Variants in DSTN observed in about 807,000 individuals in gnomAD.
DSTN encodes destrin.
DSTN carries 10 observed loss-of-function variants against 16.8 expected under a neutral mutation model. The observed-to-expected ratio is 0.60, with a 90% CI of 0.37 to 1.01. The LOEUF is 1.01. DSTN is among the 50% of genes least tolerant of loss of function. The pLI is 0.01. For missense variants in DSTN, 141 were observed against 196.7 expected, an observed-to-expected ratio of 0.72 and a Z score of 1.69; for synonymous variants, 57 against 58.9, an observed-to-expected ratio of 0.97 and a Z score of 0.14.
At chr20:17,578,658 A>C (rs1475056246) in intron 1 of DSTN, among the ~76,000 whole-genome samples, 1 of 152,192 alleles carries the variant, frequency 6.6e-6, no homozygotes, top group Non-Finnish European at 1.5e-5. Flanking sequence ...CAAAAGCCTA[A>C]CAAATGAAAG....
In DSTN at chr20:17,603,006, C is replaced by T. The variant is rs559419503; in HGVS notation, c.312-1549C>T. Among the ~76,000 whole-genome samples the T allele has an allele frequency of 4.6e-5, 7 of 152,204 alleles. No individual in the cohort carries two copies. The South Asian group carries it at 6.2e-4, about 14-fold the overall frequency. On this transcript the variant is annotated intron_variant, in intron 2 of 3. Coordinates refer to ENST00000246069, the MANE Select transcript of DSTN (RefSeq NM_006870.4). ...CTGCACTCCAGCCTGGGTGACAGAG[C>T]GAGACTCCGCCTCAAAAAAATAAAA...
At chr20:17,594,993 T>C (rs2035511007) in intron 1 of DSTN, among the ~76,000 whole-genome samples, 1 of 152,220 alleles carries the variant, frequency 6.6e-6, no homozygotes, top group Admixed American at 6.5e-5. Flanking sequence ...GGAAGTTGAA[T>C]GTAAAGACTA....
Position 17,592,075 on chromosome 20 carries a change from G to A in DSTN, c.4-8663G>A, listed in dbSNP as rs113459889. The A allele has an allele frequency of 5.8e-5, 57 of 985,236 alleles. 1 individual carries two copies. The highest frequency in any genetic ancestry group is 1.6e-4 in the African/African-American group (9 of 57,172). The allele number at this position is 985,236 out of a possible 1,614,324, so 61.0% of individuals were successfully genotyped here. ...GGCCAGGCTTTAGGGTTAGTATTCC[G>A]TGCTTTCTGTCTGCCTCATGGTTTT... is the stretch of plus-strand genomic sequence containing the variant. On this transcript the variant is annotated intron_variant, in intron 1 of 3. Coordinates refer to ENST00000246069, the MANE Select transcript of DSTN (RefSeq NM_006870.4).
intron 3 of DSTN, among the ~76,000 whole-genome samples, chr20:17,606,792 C>CTA (rs1007089411): frequency 6.6e-6 from 1 of 152,126 alleles, no homozygotes; most frequent in African/African-American, 2.4e-5. Context: ...TATGCTATAC[C>CTA]TATATATATA....
intron 2 of DSTN, among the ~76,000 whole-genome samples, chr20:17,602,713 C>G (rs1246370119): frequency 6.6e-6 from 1 of 152,116 alleles, no homozygotes; most frequent in Non-Finnish European, 1.5e-5. Context: ...TTTTATGTTT[C>G]TGACCTATTT....
At chr20:17,587,769 A>T (rs1374510236) in intron 1 of DSTN, among the ~76,000 whole-genome samples, 1 of 152,206 alleles carries the variant, frequency 6.6e-6, no homozygotes, top group Non-Finnish European at 1.5e-5. Flanking sequence ...TTTCTGAGGC[A>T]GAAAACTATG....
intron 3 of DSTN, chr20:17,604,963 A>C: frequency 2.2e-6 from 1 of 455,474 alleles, no homozygotes; most frequent in Non-Finnish European, 4.3e-6. Flanking sequence ...CATTGGACAT[A>C]ATAGTAAATT....
intron 1 of DSTN, among the ~76,000 whole-genome samples, chr20:17,591,391 A>G (rs984951028): frequency 6.6e-6 from 1 of 150,544 alleles, no homozygotes; most frequent in African/African-American, 2.5e-5. Context: ...TTGAAACACT[A>G]TTTCCAGAAA....
In DSTN at chr20:17,575,486, A is replaced by G. The variant is rs75180366; in HGVS notation, c.3+5275A>G. On this transcript the variant is annotated intron_variant, in intron 1 of 3. Coordinates refer to ENST00000246069, the MANE Select transcript of DSTN (RefSeq NM_006870.4). ...AGCATTTTTTTTTTTTTTTGGAGAC[A>G]GGGTCTCATTCTGTTAACCTAGGCT... is the stretch of plus-strand genomic sequence containing the variant. Among the ~76,000 whole-genome samples, 1,164 of 150,494 alleles carry G rather than the reference A, an allele frequency of 7.7e-3. 15 individuals carry two copies. The highest frequency in any genetic ancestry group is 0.027 in the African/African-American group (1,116 of 40,868).
At chr20:17,591,099 C>A (rs1348626315) in intron 1 of DSTN, among the ~76,000 whole-genome samples, 3 of 152,188 alleles carry the variant, frequency 2.0e-5, no homozygotes, top group Admixed American at 2.0e-4. Flanking sequence ...CAGAGCAAGA[C>A]CCTGTCCCCC....
intron 2 of DSTN, among the ~76,000 whole-genome samples, chr20:17,601,939 CTTT>C (rs5840777): frequency 1.4e-5 from 2 of 141,508 alleles, no homozygotes; most frequent in African/African-American, 2.6e-5. Context: ...TGATTTTTTT[CTTT>C]TTTTTTTTTT....
intron 2 of DSTN, 70 bp downstream of exon 2, chr20:17,601,115 C>T (rs906281818): frequency 6.8e-7 from 1 of 1,477,664 alleles, no homozygotes; most frequent in Admixed American, 2.5e-5. Context: ...CCAGTTCCAG[C>T]ACCAAAGTAA....
At chr20:17,576,275 ATTTTTTGTTTGGAGGTT>A in intron 1 of DSTN, 1 of 152,518 alleles carries the variant, frequency 6.6e-6, no homozygotes, top group Non-Finnish European at 1.5e-5. Context: ...TTTTACGTAG[ATTTTTTGTTTGGAGGTT>A]CTAGCAGGGG....
intron 1 of DSTN, among the ~76,000 whole-genome samples, chr20:17,595,347 A>T (rs372581385): frequency 6.6e-6 from 1 of 152,124 alleles, no homozygotes; most frequent in Non-Finnish European, 1.5e-5. Flanking sequence ...TTTCAGACAC[A>T]ATTTTTGGCA....
intron 1 of DSTN, among the ~76,000 whole-genome samples, chr20:17,590,266 CTG>C (rs1423340850): frequency 6.6e-6 from 1 of 151,986 alleles, no homozygotes; most frequent in Admixed American, 6.5e-5. Context: ...TTACTTCCCT[CTG>C]TGAGTGAGTA....
intron 1 of DSTN, among the ~76,000 whole-genome samples, chr20:17,572,468 T>G (rs534732258): frequency 6.6e-6 from 1 of 152,356 alleles, no homozygotes; most frequent in South Asian, 2.1e-4. Flanking sequence ...TAGACTTGCC[T>G]AGCTCCTCTT....
At chr20:17,570,431 T>C (rs1485323679) in intron 1 of DSTN, among the ~76,000 whole-genome samples, 1 of 152,212 alleles carries the variant, frequency 6.6e-6, no homozygotes, top group Non-Finnish European at 1.5e-5. Context: ...CCGCGGCTGT[T>C]GCGCAGCTCC....
rs369169207 is a variant in DSTN at position 17,605,900 on chromosome 20, C to T, written c.389-1137C>T. ...GGTGGATCACCTGAGGTCAGGAGTT[C>T]GAGACCAGCCTGACCAACATGGTGA... On this transcript the variant is annotated intron_variant, in intron 3 of 3. Transcript: ENST00000246069. Among the ~76,000 whole-genome samples the T allele has an allele frequency of 1.3e-4, 19 of 151,268 alleles. 1 individual carries two copies. The East Asian group carries it at 2.1e-3, about 17-fold the overall frequency.
chr20:17,576,761 A>G (rs1035624428), intron 1 of DSTN, among the ~76,000 whole-genome samples: 2 of 152,214 alleles, frequency 1.3e-5, no homozygotes, highest in African/African-American at 4.8e-5. Flanking sequence ...ACATTACTTC[A>G]TAGGTTGTTA....
Sources: gnomAD v4.1 joint callset for allele counts (sites outside exome capture counted in the v4.1 genomes callset) on GRCh38, gnomAD v4.1.1 for gene constraint, MANE v1.5 for transcripts, NCBI Gene and HGNC (gene_info 2026-07-23, HGNC 2026-07-21) for gene names.